KIF13A: variants seen among roughly 807,000 people sequenced by gnomAD.
KIF13A encodes kinesin-like protein KIF13A.
A neutral mutation model predicts 212.2 loss-of-function variants in KIF13A; 79 were observed. That is an observed-to-expected ratio of 0.37 (90% CI 0.31 to 0.45). The LOEUF (loss-of-function observed/expected upper bound fraction) is 0.45, where lower values mean the gene tolerates loss of function less well. Ranked by LOEUF, KIF13A falls within the 20% of genes least tolerant of loss-of-function variation. KIF13A has a pLI of 1.00. For synonymous variants in KIF13A, 789 were observed against 808.6 expected, an observed-to-expected ratio of 0.98 and a Z score of 0.41; for missense variants, 1,901 against 2,209.0, an observed-to-expected ratio of 0.86 and a Z score of 2.79.
Position 17,833,967 on chromosome 6 carries a change from T to G in KIF13A, c.1260A>C (p.Ile420=), listed in dbSNP as rs4716189. 0.47 allele frequency: 721,988 copies of G among 1,527,664 alleles called. 173,509 individuals carry two copies. Among genetic ancestry groups the G allele is most frequent in the South Asian group, 0.55 (45,252 of 82,734 alleles). The allele number at this position is 1,527,664 out of a possible 1,614,324, so 94.6% of individuals were successfully genotyped here. A position where few individuals can be genotyped will look rare whatever the true frequency, so the allele number is the denominator to read the frequency against. ...GGCTAAATTATCAAGCTACCTGTGC[T>G]ATCTCTTCTGTTTTTCTCAGCTTCT... The part of the protein sequence containing the change: ...WEEKLRKTEE[I]AQERQRQLES... Residue 420 remains isoleucine (I), a synonymous_variant, in exon 12 of 39, where the codon ATA becomes ATC. Coordinates refer to ENST00000259711, the MANE Select transcript of KIF13A (RefSeq NM_022113.6).
Position 17,968,372 on chromosome 6 carries a change from T to A in KIF13A, c.146+18682A>T, listed in dbSNP as rs896924177. ...TCTCAATTCTTTCACTCCAGTCCTC[T>A]CTCCCTATGACAACAGGAGGAACAG... is the stretch of plus-strand genomic sequence containing the variant. On this transcript the variant is annotated intron_variant, in intron 2 of 38. Transcript: ENST00000259711. The surrounding 1 kb of genome is among the most constrained non-coding windows in gnomAD (Gnocchi z 4.7). 6.6e-6 allele frequency among the ~76,000 whole-genome samples: 1 copy of A among 152,136 alleles called. No individual in the cohort carries two copies. The highest frequency in any genetic ancestry group is 2.4e-5 in the African/African-American group (1 of 41,420).
At chr6:17,852,197 CA>C (rs1048524189) in intron 6 of KIF13A, among the ~76,000 whole-genome samples, 155 bp from the exon 7 acceptor site, 1 of 152,116 alleles carries the variant, frequency 6.6e-6, no homozygotes, top group African/African-American at 2.4e-5. Flanking sequence ...TTTGGATTAG[CA>C]AAACAATGTT....
At chr6:17,901,319 GA>G (rs1294839019) in intron 2 of KIF13A, among the ~76,000 whole-genome samples, 1 of 151,846 alleles carries the variant, frequency 6.6e-6, no homozygotes, top group African/African-American at 2.4e-5. Flanking sequence ...ATCCTTTAGG[GA>G]AAAAATGTGA....
In KIF13A at chr6:17,842,137, C is replaced by T. The variant is rs543065806; in HGVS notation, c.831-4554G>A. On this transcript the variant is annotated intron_variant, in intron 9 of 38. Coordinates refer to ENST00000259711, the MANE Select transcript of KIF13A (RefSeq NM_022113.6). ...AATCCTGGCTCACTGCAGCCTTGAT[C>T]TCCCAGGATCAAGTGATCCTCTCAC... 4.6e-5 allele frequency among the ~76,000 whole-genome samples: 7 copies of T among 152,062 alleles called. No individual in the cohort carries two copies. In the East Asian group the frequency reaches 1.4e-3, roughly 30 times the overall value.
At position 17,838,910 on chromosome 6, in the gene KIF13A, C is replaced by T. The variant is rs1766242584; in HGVS notation, c.831-1327G>A. On this transcript the variant is annotated intron_variant, in intron 9 of 38. Transcript: ENST00000259711. The surrounding 1 kb of genome is among the most constrained non-coding windows in gnomAD (Gnocchi z 4.2). ...TTTTGGCTCAATGCAACCTCCACCT[C>T]CCAGGTTCAAGAGATTCTCCTGCCT... Among the ~76,000 whole-genome samples the T allele has an allele frequency of 1.3e-5, 2 of 152,282 alleles. No homozygotes were observed. Among genetic ancestry groups the T allele is most frequent in the African/African-American group, 4.8e-5 (2 of 41,552 alleles).
chr6:17,855,344 C>T lies in KIF13A; in HGVS notation c.494+93G>A, dbSNP rs1031178243. The T allele has an allele frequency of 2.1e-6, 2 of 970,090 alleles. No homozygotes were observed. Among genetic ancestry groups the T allele is most frequent in the African/African-American group, 3.3e-5 (2 of 60,782 alleles). The allele number at this position is 970,090 out of a possible 1,614,324, so 60.1% of individuals were successfully genotyped here. ...TGAAAACCAGTGTAGTCACCAAGAG[C>T]TTAAATACGTATATTCACTTCCAAT... On this transcript the variant is annotated intron_variant, in intron 6 of 38. Transcript: ENST00000259711. This position sits in a 1 kb window ranked among gnomAD's most constrained non-coding sequence, Gnocchi z 4.1.
intron 18 of KIF13A, among the ~76,000 whole-genome samples, chr6:17,805,883 T>C (rs1762898681): frequency 6.6e-6 from 1 of 151,746 alleles, no homozygotes; most frequent in South Asian, 2.1e-4. Context: ...GATATTGTGA[T>C]CATTTTTCTT....
intron 2 of KIF13A, among the ~76,000 whole-genome samples, chr6:17,959,843 G>A (rs994491741): frequency 6.6e-6 from 1 of 152,180 alleles, no homozygotes; most frequent in African/African-American, 2.4e-5. Context: ...GACCAACATG[G>A]AGAAACCTCG....
At chr6:17,804,237 C>A in intron 20 of KIF13A, 124 bp downstream of exon 20, 1 of 777,540 alleles carries the variant, frequency 1.3e-6, no homozygotes, top group Non-Finnish European at 1.9e-6. Context: ...GAATGCAGAC[C>A]TTGACTATTT....
Position 17,811,089 on chromosome 6 carries a change from C to T in KIF13A, c.2001-2159G>A, listed in dbSNP as rs1352632259. 1.3e-5 allele frequency among the ~76,000 whole-genome samples: 2 copies of T among 152,162 alleles called. No individual in the cohort carries two copies. Among genetic ancestry groups the T allele is most frequent in the Non-Finnish European group, 2.9e-5 (2 of 68,034 alleles). On this transcript the variant is annotated intron_variant, in intron 17 of 38. Coordinates refer to ENST00000259711, the MANE Select transcript of KIF13A (RefSeq NM_022113.6). This position sits in a 1 kb window ranked among gnomAD's most constrained non-coding sequence, Gnocchi z 6.0. ...ATCTGTTCATGCCAATCTGCCCACC[C>T]AAAATGTCCTTCTTACTTTCTCTCT...
chr6:17,777,008 C>T lies in KIF13A; in HGVS notation c.4170+269G>A, dbSNP rs1462980363. ...AAGTATTCATAGCTGACTCCACCAT[C>T]TGTAACCAACTAAACTCAATTTATA... On this transcript the variant is annotated intron_variant, in intron 34 of 38. Coordinates refer to ENST00000259711, the MANE Select transcript of KIF13A (RefSeq NM_022113.6). The surrounding 1 kb of genome is among the most constrained non-coding windows in gnomAD (Gnocchi z 4.4). Among the ~76,000 whole-genome samples, 1 of 152,188 alleles carries T rather than the reference C, an allele frequency of 6.6e-6. No individual in the cohort carries two copies. Among genetic ancestry groups the T allele is most frequent in the East Asian group, 1.9e-4 (1 of 5,190 alleles).
At chr6:17,822,043 C>CA in intron 16 of KIF13A, 2 of 585,332 alleles carry the variant, frequency 3.4e-6, no homozygotes, top group Non-Finnish European at 5.5e-6. Flanking sequence ...AACATAACTT[C>CA]TTTTTTTTTT....
At chr6:17,822,043 CTTTTT>C in intron 16 of KIF13A, 3 of 585,326 alleles carry the variant, frequency 5.1e-6, no homozygotes, top group East Asian at 3.5e-5. Context: ...AACATAACTT[CTTTTT>C]TTTTTTTTTG....
At chr6:17,874,283 G>GTTTTTT (rs67558921) in intron 3 of KIF13A, among the ~76,000 whole-genome samples, 44,200 of 147,418 alleles carry the variant, frequency 0.3, 6,911 homozygotes, top group East Asian at 0.45. Context: ...TTTTGTTTTT[G>GTTTTTT]TTTTTTGGTG....
intron 2 of KIF13A, among the ~76,000 whole-genome samples, chr6:17,935,348 A>C (rs1447293630): frequency 6.6e-6 from 1 of 152,152 alleles, no homozygotes; most frequent in African/African-American, 2.4e-5. Context: ...AGCACCACAG[A>C]GACCTGGCTC....
Position 17,837,469 on chromosome 6 carries a change from T to C in KIF13A, c.942+3A>G. ...GGAAAAGAACACTAGAGCAATGGAT[T>C]ACCTTAAGCAGCCAAGTGAGGACTG... On this transcript the variant is annotated splice_donor_region_variant and intron_variant, in intron 10 of 38. Coordinates refer to ENST00000259711, the MANE Select transcript of KIF13A (RefSeq NM_022113.6). The surrounding 1 kb of genome is among the most constrained non-coding windows in gnomAD (Gnocchi z 5.4). The C allele has an allele frequency of 6.3e-7, 1 of 1,591,882 alleles. No homozygotes were observed. Among genetic ancestry groups the C allele is most frequent in the Non-Finnish European group, 8.6e-7 (1 of 1,165,380 alleles).
At chr6:17,896,798 C>T (rs1451379283) in intron 3 of KIF13A, among the ~76,000 whole-genome samples, 2 of 152,190 alleles carry the variant, frequency 1.3e-5, no homozygotes, top group African/African-American at 4.8e-5. Flanking sequence ...TTTTCCTTCA[C>T]TAAGCAGGCA....
chr6:17,770,109 C>T (rs1461655742), intron 38 of KIF13A, among the ~76,000 whole-genome samples: 1 of 152,158 alleles, frequency 6.6e-6, no homozygotes, highest in Non-Finnish European at 1.5e-5. Context: ...TTAGTTCTCA[C>T]ACAGTGTGCG....
Position 17,881,540 on chromosome 6 carries a change from T to C in KIF13A, c.160-8103A>G, listed in dbSNP as rs561992039. On this transcript the variant is annotated intron_variant, in intron 3 of 38. Transcript: ENST00000259711. ...GGTGAAACCCTGTCTCTACTAAATA[T>C]ACAAAAATTAGCTGGGTGCGGCAGT... 11 of 417,622 alleles carry C rather than the reference T, an allele frequency of 2.6e-5. No homozygotes were observed. In the East Asian group the frequency reaches 5.8e-4, roughly 22 times the overall value. 25.9% of individuals were successfully genotyped at this position (417,622 alleles called of 1,614,324 possible). A position where few individuals can be genotyped will look rare whatever the true frequency, so the allele number is the denominator to read the frequency against.
Sources: allele counts gnomAD v4.1 joint callset (sites outside exome capture counted in the v4.1 genomes callset), GRCh38; gene constraint gnomAD v4.1.1; non-coding constraint Gnocchi (gnomAD v3.1); transcripts MANE v1.5; gene names NCBI Gene and HGNC (gene_info 2026-07-23, HGNC 2026-07-21).